The following NRXN1 variants were observed in gnomAD, a reference collection of about 807,000 sequenced individuals.
NRXN1 encodes the protein neurexin 1.
A neutral mutation model predicts 150.9 loss-of-function variants in NRXN1; 39 were observed. The observed-to-expected ratio is 0.26, with a 90% CI of 0.20 to 0.34. The LOEUF (loss-of-function observed/expected upper bound fraction) is 0.34, where lower values mean the gene tolerates loss of function less well. NRXN1 is among the 10% of genes least tolerant of loss of function. NRXN1 has a pLI of 1.00. For missense variants in NRXN1, 1,815 were observed against 1,949.9 expected, an observed-to-expected ratio of 0.93 and a Z score of 1.30; for synonymous variants, 924 against 757.0, an observed-to-expected ratio of 1.22 and a Z score of -3.62.
At chr2:49,997,698 G>A (rs190636250) in intron 21 of NRXN1, among the ~76,000 whole-genome samples, 3 of 152,138 alleles carry the variant, frequency 2.0e-5, no homozygotes, top group South Asian at 4.2e-4. Flanking sequence ...TAGAAATTTA[G>A]AATTTTCCTA....
At chr2:50,187,880 G>C (rs1188314029) in intron 18 of NRXN1, among the ~76,000 whole-genome samples, 1 of 151,410 alleles carries the variant, frequency 6.6e-6, no homozygotes, top group Non-Finnish European at 1.5e-5. Context: ...TTGGCACTTT[G>C]TTTGTCTATT....
At chr2:50,969,195 GTT>G (rs898336010) in intron 2 of NRXN1, among the ~76,000 whole-genome samples, 2 of 151,966 alleles carry the variant, frequency 1.3e-5, no homozygotes, top group African/African-American at 4.8e-5. Flanking sequence ...TCTTTATACT[GTT>G]TTTATTTTCT....
intron 17 of NRXN1, among the ~76,000 whole-genome samples, chr2:50,438,105 T>G (rs982479644): frequency 2.0e-5 from 3 of 152,176 alleles, no homozygotes; most frequent in African/African-American, 4.8e-5. Flanking sequence ...CCCCAAAACC[T>G]GACTTCTAGT....
At chr2:50,118,736 T>TA (rs1703432307) in intron 18 of NRXN1, among the ~76,000 whole-genome samples, 1 of 152,146 alleles carries the variant, frequency 6.6e-6, no homozygotes, top group South Asian at 2.1e-4. Flanking sequence ...CCTATGGACT[T>TA]AGTGGCAATT....
chr2:50,484,364 TC>T (rs1301036369), intron 15 of NRXN1, among the ~76,000 whole-genome samples: 1 of 152,214 alleles, frequency 6.6e-6, no homozygotes, highest in African/African-American at 2.4e-5. Flanking sequence ...TAGTGTAATT[TC>T]CTAGTGCATG....
Position 50,631,636 on chromosome 2 carries a change from T to C in NRXN1, c.833-8021A>G, listed in dbSNP as rs561237592. Among the ~76,000 whole-genome samples the C allele has an allele frequency of 2.6e-5, 4 of 152,064 alleles. 1 individual carries two copies. Among genetic ancestry groups the C allele is most frequent in the African/African-American group, 7.2e-5 (3 of 41,572 alleles). On this transcript the variant is annotated intron_variant, in intron 5 of 22. Transcript: ENST00000401669. ...TTTCTGCAAAAGAAAATAGGACATG[T>C]TCCAAAACTCTAGTACGATAATTTT...
chr2:51,013,702 G>C (rs975257393), intron 2 of NRXN1, among the ~76,000 whole-genome samples: 1 of 152,052 alleles, frequency 6.6e-6, no homozygotes, highest in Admixed American at 6.6e-5. Context: ...AGGATCTCTA[G>C]TGATACAGAT....
At chr2:50,841,966 C>A (rs1253558621) in intron 5 of NRXN1, among the ~76,000 whole-genome samples, 1 of 152,108 alleles carries the variant, frequency 6.6e-6, no homozygotes, top group Non-Finnish European at 1.5e-5. Context: ...GTTTCATTAA[C>A]CAACAAACAA....
At chr2:50,101,439 G>A (rs1467862313) in intron 18 of NRXN1, among the ~76,000 whole-genome samples, 5 of 151,902 alleles carry the variant, frequency 3.3e-5, no homozygotes, top group Admixed American at 6.6e-5. Context: ...TATATCCCAG[G>A]ATCATCATTT....
intron 3 of NRXN1, among the ~76,000 whole-genome samples, chr2:50,924,603 G>C (rs1448927986): frequency 1.3e-5 from 2 of 151,618 alleles, no homozygotes; most frequent in African/African-American, 4.8e-5. Flanking sequence ...AAGATATTAG[G>C]CCTGCAGGGT....
rs1478127710 is a variant in NRXN1, at chr2:50,649,253, C to CACAT, written c.833-25639_833-25638insATGT. On this transcript the variant is annotated intron_variant, in intron 5 of 22. Transcript: ENST00000401669. ...AGGTACAAGCATGTATACACACATA[C>CACAT]ACACATACACACACACACACACACA... 4.6e-3 allele frequency among the ~76,000 whole-genome samples: 452 copies of CACAT among 97,592 alleles called. 1 individual carries two copies. Among genetic ancestry groups the CACAT allele is most frequent in the African/African-American group, 0.017 (437 of 26,204 alleles). The allele number at this position is 97,592 out of a possible 152,430, so 64.0% of individuals were successfully genotyped here. A position where few individuals can be genotyped will look rare whatever the true frequency, so the allele number is the denominator to read the frequency against.
intron 18 of NRXN1, among the ~76,000 whole-genome samples, chr2:50,145,593 G>A (rs1435282000): frequency 6.6e-6 from 1 of 151,614 alleles, no homozygotes; most frequent in Non-Finnish European, 1.5e-5. Flanking sequence ...TTTTTTAGGG[G>A]AGAAGAAGGA....
chr2:50,176,394 G>A (rs1009387495), intron 18 of NRXN1, among the ~76,000 whole-genome samples: 1 of 152,086 alleles, frequency 6.6e-6, no homozygotes, highest in Non-Finnish European at 1.5e-5. Context: ...TTTTAGGCTA[G>A]AAAATTCTTT....
At chr2:50,573,970 T>C (rs190161788) in intron 8 of NRXN1, among the ~76,000 whole-genome samples, 387 of 152,238 alleles carry the variant, frequency 2.5e-3, no homozygotes, top group African/African-American at 9.0e-3. Context: ...GGAGGGGTCA[T>C]GGAACCAATC....
rs573424376 is a variant in NRXN1, at chr2:51,006,259, G to A, written c.772+21243C>T. Among the ~76,000 whole-genome samples the A allele has an allele frequency of 9.8e-3, 1,484 of 151,856 alleles. 10 individuals are homozygous for A. Among genetic ancestry groups the A allele is most frequent in the Middle Eastern group, 0.075 (22 of 292 alleles). On this transcript the variant is annotated intron_variant, in intron 2 of 22. Coordinates refer to ENST00000401669, the MANE Select transcript of NRXN1 (RefSeq NM_001330078.2). ...TGTCCTTTGTAGGGACATGGATGAA[G>A]CTGGAAACCATCATTCTCAGTAAAC...
chr2:50,477,279 G>C (rs563445313), intron 15 of NRXN1, among the ~76,000 whole-genome samples: 2 of 152,240 alleles, frequency 1.3e-5, no homozygotes, highest in East Asian at 3.9e-4. Context: ...AAGATAATGA[G>C]AAATCCAAGG....
intron 5 of NRXN1, among the ~76,000 whole-genome samples, chr2:50,810,973 C>T (rs1435654321): frequency 4.7e-5 from 7 of 150,008 alleles, no homozygotes; most frequent in Non-Finnish European, 8.9e-5. Context: ...AGTGAGACTC[C>T]GTCTCAAAAA....
At chr2:50,447,735 C>A (rs1420128939) in intron 17 of NRXN1, among the ~76,000 whole-genome samples, 2 of 42,732 alleles carry the variant, frequency 4.7e-5, no homozygotes, top group African/African-American at 2.2e-4. Flanking sequence ...AGCAGGGGAA[C>A]GTTATATATA....
chr2:50,318,922 A>G (rs2075815602), intron 17 of NRXN1, among the ~76,000 whole-genome samples: 1 of 152,164 alleles, frequency 6.6e-6, no homozygotes, highest in Admixed American at 6.6e-5. Flanking sequence ...TTTAGTAGAC[A>G]CACATGAATT....
Sources: gnomAD v4.1 joint callset for allele counts (sites outside exome capture counted in the v4.1 genomes callset) on GRCh38, gnomAD v4.1.1 for gene constraint, MANE v1.5 for transcripts, NCBI Gene and HGNC (gene_info 2026-07-23, HGNC 2026-07-21) for gene names.